The following ELL2 variants were observed in gnomAD, a reference collection of about 807,000 sequenced individuals.
ELL2 encodes the protein RNA polymerase II elongation factor ELL2.
In ELL2, 21 loss-of-function variants were observed where a neutral mutation model predicts 72.8. The observed-to-expected ratio is 0.29, with a 90% CI of 0.20 to 0.42. The LOEUF (loss-of-function observed/expected upper bound fraction) is 0.42. ELL2 is among the 10% of genes least tolerant of loss of function. ELL2 has a pLI of 1.00. For synonymous variants in ELL2, 266 were observed against 283.2 expected, an observed-to-expected ratio of 0.94 and a Z score of 0.61; for missense variants, 568 against 772.8, an observed-to-expected ratio of 0.73 and a Z score of 3.14.
intron 2 of ELL2, among the ~76,000 whole-genome samples, chr5:95,923,182 C>T (rs576894038): frequency 3.4e-4 from 51 of 150,464 alleles, no homozygotes; most frequent in Admixed American, 1.3e-3. Context: ...CCTGGGAGTT[C>T]GAGACCAGCC....
chr5:95,951,361 T>C (rs1751393974), intron 1 of ELL2, among the ~76,000 whole-genome samples: 1 of 149,644 alleles, frequency 6.7e-6, no homozygotes, highest in South Asian at 2.1e-4. Flanking sequence ...AGAGCGAGAC[T>C]CCGTCTCAAA....
At chr5:95,923,662 A>G (rs1750180048) in intron 2 of ELL2, among the ~76,000 whole-genome samples, 1 of 151,848 alleles carries the variant, frequency 6.6e-6, no homozygotes, top group African/African-American at 2.4e-5. Context: ...TGCAGATGGT[A>G]TGGTCTGAGC....
intron 4 of ELL2, among the ~76,000 whole-genome samples, chr5:95,911,085 T>C (rs1749574450): frequency 6.6e-6 from 1 of 152,184 alleles, no homozygotes. Flanking sequence ...GTTTTGTTAG[T>C]ATTGAAGGGT....
At chr5:95,937,487 G>A (rs945688635) in intron 2 of ELL2, among the ~76,000 whole-genome samples, 8 of 147,224 alleles carry the variant, frequency 5.4e-5, no homozygotes, top group Non-Finnish European at 1.2e-4. Context: ...CTGGGCGACA[G>A]AGCAAGACTC....
intron 4 of ELL2, among the ~76,000 whole-genome samples, chr5:95,912,853 T>C (rs148852109): frequency 6.6e-6 from 1 of 152,332 alleles, no homozygotes; most frequent in African/African-American, 2.4e-5. Flanking sequence ...AATACAGAAG[T>C]AGAATGAAGC....
intron 4 of ELL2, among the ~76,000 whole-genome samples, chr5:95,907,277 G>GATATATATATATATATAT (rs748817419): frequency 4.2e-5 from 5 of 119,912 alleles, no homozygotes; most frequent in African/African-American, 1.4e-4. Flanking sequence ...ATCCGTTAGT[G>GATATATATATATATATAT]ATATATATAT....
At chr5:95,948,836 C>A (rs1323554216) in intron 1 of ELL2, among the ~76,000 whole-genome samples, 4 of 152,146 alleles carry the variant, frequency 2.6e-5, no homozygotes, top group Admixed American at 6.5e-5. Flanking sequence ...ACCAAGAACA[C>A]AAAGGCAGAT....
At chr5:95,942,792 T>C (rs1171638766) in intron 2 of ELL2, 1 of 319,318 alleles carries the variant, frequency 3.1e-6, no homozygotes, top group East Asian at 6.0e-5. Context: ...ACACTGTCAA[T>C]ATCAATAACC....
At chr5:95,912,955 T>G (rs1580497884) in intron 4 of ELL2, among the ~76,000 whole-genome samples, 1 of 152,208 alleles carries the variant, frequency 6.6e-6, no homozygotes, top group Non-Finnish European at 1.5e-5. Flanking sequence ...CTTTCATCAT[T>G]TACTATAGAG....
Position 95,891,232 on chromosome 5 carries a change from A to G in ELL2, c.1632T>C (p.Tyr544=). ...AIVSYEQRQN[Y]KDDFNAEYDE... ...CATACTCTGCATTGAAGTCATCCTT[A>G]TAATTCTGGCGTTGCTCATAGGAGA... The change falls in exon 10 of 12, where the codon TAT becomes TAC. Residue 544 remains tyrosine (Y), a synonymous_variant. Transcript: ENST00000237853. The G allele has an allele frequency of 6.2e-7, 1 of 1,614,030 alleles. No individual in the cohort carries two copies. The highest frequency in any genetic ancestry group is 8.5e-7 in the Non-Finnish European group (1 of 1,179,984).
At chr5:95,958,916 A>T (rs2112567) in intron 1 of ELL2, among the ~76,000 whole-genome samples, 7,482 of 87,824 alleles carry the variant, frequency 0.085, 329 homozygotes, top group African/African-American at 0.25. Context: ...TTTTTTTTTT[A>T]AATTAAGAAC....
At chr5:95,924,160 G>C (rs1195952655) in intron 2 of ELL2, among the ~76,000 whole-genome samples, 1 of 152,146 alleles carries the variant, frequency 6.6e-6, no homozygotes, top group Non-Finnish European at 1.5e-5. Flanking sequence ...CATTCAGGCA[G>C]AGTTTCAGAG....
chr5:95,931,810 A>AAAAT (rs1750610386), intron 2 of ELL2, among the ~76,000 whole-genome samples: 1 of 149,844 alleles, frequency 6.7e-6, no homozygotes. Context: ...AAAAAAAAAA[A>AAAAT]AAAAAAAAAA....
chr5:95,917,876 T>C (rs1173053631), intron 3 of ELL2, among the ~76,000 whole-genome samples: 1 of 152,208 alleles, frequency 6.6e-6, no homozygotes, highest in African/African-American at 2.4e-5. Flanking sequence ...ATAAAATTCC[T>C]AAGGGGACAT....
intron 1 of ELL2, among the ~76,000 whole-genome samples, chr5:95,944,632 A>G (rs1466646168): frequency 1.3e-5 from 2 of 152,242 alleles, no homozygotes; most frequent in African/African-American, 2.4e-5. Context: ...AAGCATGCCC[A>G]TAGGGGCCTA....
rs886330867 is a variant in ELL2, at chr5:95,946,834, C to T, written c.148-3785G>A. Among the ~76,000 whole-genome samples the T allele has an allele frequency of 2.0e-5, 3 of 152,204 alleles. No individual in the cohort carries two copies. In the South Asian group the frequency reaches 6.2e-4, roughly 31 times the overall value. ...ACATTAATTTCCTCAGTGAGACCTT[C>T]CTTTGGATAAACCAGAAGTCAAACA... On this transcript the variant is annotated intron_variant, in intron 1 of 11. Coordinates refer to ENST00000237853, the MANE Select transcript of ELL2 (RefSeq NM_012081.6).
At chr5:95,918,513 T>A (rs1038321597) in intron 3 of ELL2, among the ~76,000 whole-genome samples, 1 of 152,112 alleles carries the variant, frequency 6.6e-6, no homozygotes, top group Admixed American at 6.5e-5. Flanking sequence ...TGTCAGTGTC[T>A]TATTTTGTAT....
At position 95,927,500 on chromosome 5, in the gene ELL2, T is replaced by C. The variant is rs191917130; in HGVS notation, c.196-7955A>G. 2.9e-3 allele frequency among the ~76,000 whole-genome samples: 75 copies of C among 25,470 alleles called. 16 individuals are homozygous for C. Among genetic ancestry groups the C allele is most frequent in the African/African-American group, 0.026 (57 of 2,156 alleles). 16.7% of individuals were successfully genotyped at this position (25,470 alleles called of 152,430 possible). On this transcript the variant is annotated intron_variant, in intron 2 of 11. Coordinates refer to ENST00000237853, the MANE Select transcript of ELL2 (RefSeq NM_012081.6). ...ATACACACACGTGTGTATATAGACA[T>C]ACACACACGTGTGTATATAGACATA...
chr5:95,934,701 G>A (rs996826740), intron 2 of ELL2, among the ~76,000 whole-genome samples: 2 of 152,108 alleles, frequency 1.3e-5, no homozygotes, highest in South Asian at 2.1e-4. Flanking sequence ...TCTAGCTCTA[G>A]ATAACAAGAC....
Sources: allele counts gnomAD v4.1 joint callset (sites outside exome capture counted in the v4.1 genomes callset), GRCh38; gene constraint gnomAD v4.1.1; transcripts MANE v1.5; gene names NCBI Gene and HGNC (gene_info 2026-07-23, HGNC 2026-07-21).